The following CNTN4 variants were observed in gnomAD, a reference collection of about 807,000 sequenced individuals.
CNTN4 encodes the protein contactin-4.
Under a neutral mutation model 122.5 loss-of-function variants are expected in CNTN4, and 77 were observed. The ratio of observed to expected loss-of-function variants is 0.63; its 90% confidence interval spans 0.52 to 0.76. The LOEUF is 0.76. CNTN4 is among the 30% of genes least tolerant of loss of function. The probability of loss-of-function intolerance (pLI) is 0.00; values close to 1 mark genes in which losing one functional copy is unlikely to be tolerated. For missense variants in CNTN4, 1,256 were observed against 1,259.1 expected (o/e 1.00, Z 0.04); for synonymous variants, 512 against 447.0 (o/e 1.15, Z -1.83).
chr3:2,825,631 G>A (rs1224302774), intron 7 of CNTN4, among the ~76,000 whole-genome samples: 1 of 152,194 alleles, frequency 6.6e-6, no homozygotes. Context: ...CAAGGCTGCA[G>A]TGAGCTATGA....
At chr3:2,908,991 C>A (rs80066444) in intron 12 of CNTN4, among the ~76,000 whole-genome samples, 1 of 152,080 alleles carries the variant, frequency 6.6e-6, no homozygotes, top group African/African-American at 2.4e-5. Flanking sequence ...CAACCTTGAG[C>A]GATTATCTGG....
chr3:2,928,304 T>C (rs1348491962), intron 13 of CNTN4, among the ~76,000 whole-genome samples: 1 of 152,196 alleles, frequency 6.6e-6, no homozygotes, highest in Non-Finnish European at 1.5e-5. Context: ...GTTTCTGAAA[T>C]GGGTGAACAA....
intron 6 of CNTN4, among the ~76,000 whole-genome samples, chr3:2,815,786 A>G (rs1259113382): frequency 6.6e-6 from 1 of 152,062 alleles, no homozygotes; most frequent in Admixed American, 6.5e-5. Context: ...TTGCACATGC[A>G]TGTTTATAGT....
At chr3:2,600,008 CTTTTTTTTT>C (rs71058630) in intron 4 of CNTN4, among the ~76,000 whole-genome samples, 3 of 41,758 alleles carry the variant, frequency 7.2e-5, no homozygotes, top group East Asian at 1.1e-3. Flanking sequence ...TGGAATTCTT[CTTTTTTTTT>C]TTTTTTTTTT....
At chr3:3,034,532 T>C (rs1699430632) in intron 16 of CNTN4, 100 bp from the exon 17 acceptor site, 5 of 1,217,044 alleles carry the variant, frequency 4.1e-6, no homozygotes, top group Admixed American at 3.5e-5. Context: ...TGTGAATGGG[T>C]AGATAAATGA....
At chr3:2,759,703 G>T (rs2090499348) in intron 6 of CNTN4, among the ~76,000 whole-genome samples, 1 of 135,216 alleles carries the variant, frequency 7.4e-6, no homozygotes, top group Non-Finnish European at 1.7e-5. Context: ...CAACAGAGGA[G>T]ACTCTGTCTC....
At chr3:2,489,427 C>T (rs559197695) in intron 3 of CNTN4, among the ~76,000 whole-genome samples, 1 of 152,244 alleles carries the variant, frequency 6.6e-6, no homozygotes, top group East Asian at 1.9e-4. Context: ...CCACACTTAC[C>T]CTCTTTTTTC....
At chr3:2,995,665 G>A (rs1253797706) in intron 14 of CNTN4, among the ~76,000 whole-genome samples, 1 of 152,124 alleles carries the variant, frequency 6.6e-6, no homozygotes, top group African/African-American at 2.4e-5. Context: ...TAATAATCAG[G>A]GAAAGGCAAT....
chr3:2,409,416 T>G (rs1230371052), intron 3 of CNTN4, among the ~76,000 whole-genome samples: 1 of 151,930 alleles, frequency 6.6e-6, no homozygotes, highest in Non-Finnish European at 1.5e-5. Context: ...GCTGGCTAGT[T>G]TTTTGTATTT....
At chr3:2,844,872 G>A (rs1459985735) in intron 7 of CNTN4, among the ~76,000 whole-genome samples, 9 of 152,142 alleles carry the variant, frequency 5.9e-5, no homozygotes, top group African/African-American at 2.2e-4. Flanking sequence ...CTTCCGTAAT[G>A]CATAATGACT....
intron 3 of CNTN4, among the ~76,000 whole-genome samples, chr3:2,463,757 T>C (rs1010134568): frequency 2.9e-4 from 43 of 146,788 alleles, no homozygotes; most frequent in African/African-American, 9.0e-4. Context: ...AAACTCCGTC[T>C]CAAAAAAAAT....
At chr3:2,296,827 G>A (rs1227753283) in intron 2 of CNTN4, among the ~76,000 whole-genome samples, 4 of 151,168 alleles carry the variant, frequency 2.6e-5, no homozygotes, top group African/African-American at 7.3e-5. Flanking sequence ...TTCCAATGAG[G>A]TAGAAAATTG....
chr3:2,157,656 G>A (rs2035782828), intron 2 of CNTN4, among the ~76,000 whole-genome samples: 1 of 152,050 alleles, frequency 6.6e-6, no homozygotes, highest in East Asian at 1.9e-4. Context: ...CAAGTAAAAT[G>A]TCCTATGAGA....
At chr3:2,352,637 C>A (rs1575439678) in intron 3 of CNTN4, among the ~76,000 whole-genome samples, 1 of 152,312 alleles carries the variant, frequency 6.6e-6, no homozygotes. Flanking sequence ...TGGTGCAGGG[C>A]TCAGGACCTG....
At chr3:2,170,646 T>C (rs757639724) in intron 2 of CNTN4, among the ~76,000 whole-genome samples, 1 of 152,120 alleles carries the variant, frequency 6.6e-6, no homozygotes, top group African/African-American at 2.4e-5. Flanking sequence ...TGAACCTAAA[T>C]TTGATTTGGA....
intron 23 of CNTN4, among the ~76,000 whole-genome samples, chr3:3,053,375 A>T (rs1489480533): frequency 6.6e-6 from 1 of 152,168 alleles, no homozygotes; most frequent in Non-Finnish European, 1.5e-5. Context: ...AAGACTGGGT[A>T]TTATTGTCCC....
intron 4 of CNTN4, among the ~76,000 whole-genome samples, chr3:2,677,551 C>T (rs2084941785): frequency 6.8e-6 from 1 of 147,088 alleles, no homozygotes; most frequent in African/African-American, 2.5e-5. Flanking sequence ...ACACTTACGA[C>T]TGGTTTATCT....
intron 13 of CNTN4, among the ~76,000 whole-genome samples, chr3:2,966,046 G>C (rs1692274537): frequency 6.6e-6 from 1 of 152,078 alleles, no homozygotes; most frequent in African/African-American, 2.4e-5. Context: ...TAAAGGGAAG[G>C]GTTATTTCCA....
intron 2 of CNTN4, among the ~76,000 whole-genome samples, chr3:2,258,688 TTCTC>T (rs1299900789): frequency 6.6e-6 from 1 of 152,188 alleles, no homozygotes; most frequent in African/African-American, 2.4e-5. Context: ...TGCAGCCTAT[TTCTC>T]AATTTATTTC....
Sources: allele counts gnomAD v4.1 joint callset (sites outside exome capture counted in the v4.1 genomes callset), GRCh38; gene constraint gnomAD v4.1.1; transcripts MANE v1.5; gene names NCBI Gene and HGNC (gene_info 2026-07-23, HGNC 2026-07-21).